The following NUDT2 variants were observed in gnomAD, a reference collection of about 807,000 sequenced individuals.
The protein encoded by NUDT2 is nudix hydrolase 2.
Under a neutral mutation model 14.2 loss-of-function variants are expected in NUDT2, and 12 were observed. The observed-to-expected ratio is 0.84, with a 90% CI of 0.54 to 1.37. The LOEUF (loss-of-function observed/expected upper bound fraction) is 1.37. Ranked by LOEUF, NUDT2 falls within the 40% of genes most tolerant of loss-of-function variation. NUDT2 has a pLI of 0.00. For missense variants in NUDT2, 167 were observed against 176.7 expected (o/e 0.95, Z 0.31); for synonymous variants, 67 against 67.4 (o/e 0.99, Z 0.03).
At chr9:34,336,718 T>C (rs1441532448) in intron 2 of NUDT2, among the ~76,000 whole-genome samples, 1 of 152,006 alleles carries the variant, frequency 6.6e-6, no homozygotes, top group African/African-American at 2.4e-5. Flanking sequence ...ATTTTTTTTC[T>C]ATTTTTTGAG....
At chr9:34,341,436 T>C (rs990267382) in intron 4 of NUDT2, among the ~76,000 whole-genome samples, 12 of 152,220 alleles carry the variant, frequency 7.9e-5, no homozygotes, top group African/African-American at 2.9e-4. Flanking sequence ...TACACCACTA[T>C]AGGAGGTGCT....
At chr9:34,330,014 T>C (rs942463096) in intron 1 of NUDT2, among the ~76,000 whole-genome samples, 29 of 152,250 alleles carry the variant, frequency 1.9e-4, no homozygotes, top group African/African-American at 6.8e-4. Context: ...ATTGCTTCAG[T>C]TATTGAATGG....
At chr9:34,337,634 A>G (rs191846264) in intron 2 of NUDT2, among the ~76,000 whole-genome samples, 1 of 152,232 alleles carries the variant, frequency 6.6e-6, no homozygotes, top group Non-Finnish European at 1.5e-5. Context: ...ATTGCCCTGG[A>G]GTAGGTTTCT....
intron 4 of NUDT2, 139 bp from the exon 5 acceptor site, chr9:34,342,985 C>T: frequency 2.8e-6 from 2 of 727,220 alleles, no homozygotes; most frequent in South Asian, 1.8e-5. Flanking sequence ...GATTGCACTA[C>T]TGCACTCTGG....
chr9:34,333,842 G>T (rs1838017628), intron 1 of NUDT2, among the ~76,000 whole-genome samples: 1 of 152,086 alleles, frequency 6.6e-6, no homozygotes, highest in Non-Finnish European at 1.5e-5. Flanking sequence ...TCCTTTACAG[G>T]CCAGCTATGC....
rs770488124 is a variant in NUDT2, at chr9:34,341,988, C to T, written c.128-1136C>T. Among the ~76,000 whole-genome samples, 22 of 152,156 alleles carry T rather than the reference C, an allele frequency of 1.4e-4. No individual in the cohort carries two copies. In the South Asian group the frequency reaches 1.5e-3, roughly 10 times the overall value. On this transcript the variant is annotated intron_variant, in intron 4 of 4. Coordinates refer to ENST00000379158, the MANE Select transcript of NUDT2 (RefSeq NM_001161.5). The stretch of plus-strand genomic sequence containing the variant: ...AAGGTGTAGACAGAGTCTGCCAGAC[C>T]GTTCCCAGTCTTTGCCCCCTCTGGG...
At chr9:34,341,297 G>A (rs533365952) in intron 4 of NUDT2, among the ~76,000 whole-genome samples, 1 of 152,186 alleles carries the variant, frequency 6.6e-6, no homozygotes, top group Non-Finnish European at 1.5e-5. Flanking sequence ...AGATGCCCCT[G>A]GGAGGGGTGT....
intron 4 of NUDT2, 54 bp downstream of exon 4, chr9:34,339,220 C>T: frequency 1.3e-6 from 2 of 1,591,754 alleles, no homozygotes; most frequent in Non-Finnish European, 1.7e-6. Flanking sequence ...GCTCAGAAAT[C>T]TACCCTGCCA....
intron 2 of NUDT2, among the ~76,000 whole-genome samples, chr9:34,336,938 GCT>G (rs1217925868): frequency 6.6e-6 from 1 of 150,554 alleles, no homozygotes; most frequent in East Asian, 1.9e-4. Flanking sequence ...TTTGTTTCTG[GCT>G]CTTTTCCTTT....
chr9:34,330,209 C>T (rs956554008), intron 1 of NUDT2, among the ~76,000 whole-genome samples: 1 of 152,242 alleles, frequency 6.6e-6, no homozygotes, highest in South Asian at 2.1e-4. Flanking sequence ...CGAGACCATC[C>T]TGGCTAACAC....
chr9:34,339,552 C>T (rs1838182647), intron 4 of NUDT2, among the ~76,000 whole-genome samples: 1 of 152,128 alleles, frequency 6.6e-6, no homozygotes, highest in South Asian at 2.1e-4. Context: ...ACTAGAAAAT[C>T]CTGTTTTCAG....
intron 1 of NUDT2, among the ~76,000 whole-genome samples, 153 bp from the exon 2 acceptor site, chr9:34,336,076 A>C (rs1303308886): frequency 1.3e-5 from 2 of 151,932 alleles, no homozygotes; most frequent in Non-Finnish European, 2.9e-5. Context: ...TGGATCCCTA[A>C]GCTTATTTAG....
chr9:34,333,240 A>G (rs1297933088), intron 1 of NUDT2, among the ~76,000 whole-genome samples: 2 of 152,180 alleles, frequency 1.3e-5, no homozygotes, highest in Non-Finnish European at 2.9e-5. Context: ...ACCAGGATTT[A>G]ACATCTACGG....
At chr9:34,336,656 G>T (rs534814700) in intron 2 of NUDT2, among the ~76,000 whole-genome samples, 3 of 151,938 alleles carry the variant, frequency 2.0e-5, no homozygotes, top group South Asian at 4.2e-4. Flanking sequence ...ATCTTCCCAC[G>T]TTGGCCTCCC....
chr9:34,343,005 C>T (rs1390443029), intron 4 of NUDT2, 119 bp from the exon 5 acceptor site: 11 of 895,850 alleles, frequency 1.2e-5, no homozygotes, highest in Non-Finnish European at 1.9e-5. Flanking sequence ...GCCTGGGCAA[C>T]AGAGTGAGTC....
chr9:34,332,558 A>G (rs764073763), intron 1 of NUDT2, among the ~76,000 whole-genome samples: 1 of 152,248 alleles, frequency 6.6e-6, no homozygotes, highest in Non-Finnish European at 1.5e-5. Flanking sequence ...ATTGTACAGC[A>G]GATGGCACTA....
rs570151977 is a variant in NUDT2, at chr9:34,333,675, A to G, written c.-264-2554A>G. 8.7e-5 allele frequency among the ~76,000 whole-genome samples: 12 copies of G among 138,010 alleles called. No homozygotes were observed. The East Asian group carries it at 2.6e-3, about 30-fold the overall frequency. The allele number at this position is 138,010 out of a possible 152,430, so 90.5% of individuals were successfully genotyped here. ...AAAAAAAAAAAAAAAAAAAAAAAGG[A>G]CTGGGAATTTTGAAACTGGAAATGA... On this transcript the variant is annotated intron_variant, in intron 1 of 4. Transcript: ENST00000379158.
chr9:34,330,907 G>A (rs1837906834), intron 1 of NUDT2, among the ~76,000 whole-genome samples: 1 of 152,002 alleles, frequency 6.6e-6, no homozygotes, highest in Admixed American at 6.6e-5. Flanking sequence ...TTTGCAGAGA[G>A]CAGAGATCGC....
intron 1 of NUDT2, among the ~76,000 whole-genome samples, chr9:34,333,676 C>G (rs1032910468): frequency 4.9e-5 from 6 of 121,524 alleles, no homozygotes; most frequent in Non-Finnish European, 8.6e-5. Context: ...AAAAAAAGGA[C>G]TGGGAATTTT....
Sources: allele counts gnomAD v4.1 joint callset (sites outside exome capture counted in the v4.1 genomes callset), GRCh38; gene constraint gnomAD v4.1.1; transcripts MANE v1.5; gene names NCBI Gene and HGNC (gene_info 2026-07-23, HGNC 2026-07-21).